Variants in NINL observed in about 807,000 individuals in gnomAD.
NINL encodes ninein-like protein.
Under a neutral mutation model 160.3 loss-of-function variants are expected in NINL, and 153 were observed. The observed-to-expected ratio is 0.95, with a 90% CI of 0.84 to 1.09. NINL has a LOEUF of 1.09. NINL is among the 50% of genes least tolerant of loss of function. NINL has a pLI of 0.00. For synonymous variants in NINL, 800 were observed against 734.8 expected (o/e 1.09, Z -1.43); for missense variants, 1,829 against 1,764.0 (o/e 1.04, Z -0.66).
intron 1 of NINL, among the ~76,000 whole-genome samples, chr20:25,548,242 C>G (rs2064759411): frequency 6.6e-6 from 1 of 152,188 alleles, no homozygotes; most frequent in South Asian, 2.1e-4. Flanking sequence ...TGGGCCTGAG[C>G]TGAGCTATCA....
chr20:25,518,626 A>G (rs67359112), intron 2 of NINL, among the ~76,000 whole-genome samples: 15,195 of 152,184 alleles, frequency 0.1, 1,290 homozygotes, highest in African/African-American at 0.23. Flanking sequence ...CAATCTGACA[A>G]ACTTTATCCT....
intron 19 of NINL, among the ~76,000 whole-genome samples, chr20:25,465,448 C>A (rs946720437): frequency 6.6e-6 from 1 of 152,142 alleles, no homozygotes; most frequent in South Asian, 2.1e-4. Flanking sequence ...GTGTGACTTC[C>A]GAGGAGGGCT....
chr20:25,500,940 A>G lies in NINL; in HGVS notation c.932T>C (p.Leu311Pro), dbSNP rs540026486. ...SLVSLCSSLR[L>P]FSSIDDGSGF... is the part of the protein sequence containing the mutation. ...AGAACCATCGTCAATGCTGGAGAAG[A>G]GGCGCAGGCTGGAGCACAGGGACAC... Residue 311 changes from leucine to proline, a missense_variant, in exon 8 of 24, where the codon CTC becomes CCC. Physicochemically the swap from Leu to Pro is moderately conservative, Grantham distance 98 (BLOSUM62 -3). Coordinates refer to ENST00000278886, the MANE Select transcript of NINL (RefSeq NM_025176.6). 6.2e-7 allele frequency: 1 copy of G among 1,614,208 alleles called. No homozygotes were observed. The highest frequency in any genetic ancestry group is 2.2e-5 in the East Asian group (1 of 44,878).
chr20:25,502,347 T>C (rs892850742), intron 7 of NINL, among the ~76,000 whole-genome samples: 24 of 152,184 alleles, frequency 1.6e-4, no homozygotes, highest in Non-Finnish European at 7.3e-5. Flanking sequence ...AGAACAGCAC[T>C]ACTGGTCCTA....
At chr20:25,490,735 G>A (rs2063613121) in intron 11 of NINL, among the ~76,000 whole-genome samples, 1 of 152,026 alleles carries the variant, frequency 6.6e-6, no homozygotes, top group African/African-American at 2.4e-5. Flanking sequence ...GTGGGGGACT[G>A]CAGTGAGAAG....
At position 25,557,854 on chromosome 20, in the gene NINL, C is replaced by A. The variant is rs189527129; in HGVS notation, c.-12+27601G>T. 3.4e-4 allele frequency among the ~76,000 whole-genome samples: 52 copies of A among 151,808 alleles called. 1 individual carries two copies. In the East Asian group the frequency reaches 9.9e-3, roughly 29 times the overall value. Reference sequence around the variant, plus strand: ...TCAAAGATAAATATACTGGGCTGGGCGCAGTGGCTCACGCTTGTAATCCCA... The same window carrying A: ...TCAAAGATAAATATACTGGGCTGGGAGCAGTGGCTCACGCTTGTAATCCCA... On this transcript the variant is annotated intron_variant, in intron 1 of 23. Coordinates refer to ENST00000278886, the MANE Select transcript of NINL (RefSeq NM_025176.6).
chr20:25,556,888 AACT>A (rs1486549505), intron 1 of NINL, among the ~76,000 whole-genome samples: 3 of 152,136 alleles, frequency 2.0e-5, no homozygotes, highest in Non-Finnish European at 4.4e-5. Context: ...TACAGAACAC[AACT>A]ACTAAGGGCA....
chr20:25,502,068 G>T (rs2063879531), intron 7 of NINL, among the ~76,000 whole-genome samples: 1 of 152,122 alleles, frequency 6.6e-6, no homozygotes, highest in Non-Finnish European at 1.5e-5. Context: ...TGAAACTTCT[G>T]CCTCCTAGGT....
chr20:25,503,815 T>G, intron 7 of NINL, 137 bp downstream of exon 7: 2 of 1,022,126 alleles, frequency 2.0e-6, no homozygotes, highest in Non-Finnish European at 3.0e-6. Flanking sequence ...CCCATATACA[T>G]GCGTGTGTGC....
At chr20:25,463,812 T>TA (rs1242820840) in intron 19 of NINL, among the ~76,000 whole-genome samples, 1 of 152,190 alleles carries the variant, frequency 6.6e-6, no homozygotes, top group Non-Finnish European at 1.5e-5. Flanking sequence ...TACTCAAGAT[T>TA]AGGGAGTCCA....
intron 2 of NINL, 23 bp from the exon 3 acceptor site, chr20:25,517,872 AG>A (rs2064189065): frequency 6.7e-7 from 1 of 1,496,446 alleles, no homozygotes; most frequent in Admixed American, 2.0e-5. Flanking sequence ...AAGGTGAGAG[AG>A]GACAATGTCA....
At chr20:25,525,853 T>C (rs1054763034) in intron 2 of NINL, among the ~76,000 whole-genome samples, 1 of 152,174 alleles carries the variant, frequency 6.6e-6, no homozygotes, top group Non-Finnish European at 1.5e-5. Context: ...TTCTAGATGA[T>C]CTTGACCTTC....
chr20:25,490,029 G>A (rs752431434), intron 11 of NINL, 44 bp from the exon 12 acceptor site: 5 of 1,528,934 alleles, frequency 3.3e-6, no homozygotes, highest in Non-Finnish European at 4.5e-6. Context: ...CTGCAGGACG[G>A]AGGGGATGTG....
chr20:25,557,692 T>C (rs181523262), intron 1 of NINL, among the ~76,000 whole-genome samples: 3 of 152,028 alleles, frequency 2.0e-5, no homozygotes, highest in African/African-American at 4.8e-5. Flanking sequence ...AAGAGAGAAA[T>C]GGACAATTCC....
At chr20:25,559,264 T>TG (rs1216667382) in intron 1 of NINL, among the ~76,000 whole-genome samples, 1 of 152,150 alleles carries the variant, frequency 6.6e-6, no homozygotes, top group Non-Finnish European at 1.5e-5. Flanking sequence ...TTCTTTGAGA[T>TG]GGAGTCTCAC....
intron 1 of NINL, among the ~76,000 whole-genome samples, chr20:25,528,187 G>C (rs559718030): frequency 2.6e-5 from 4 of 152,154 alleles, no homozygotes; most frequent in African/African-American, 4.8e-5. Flanking sequence ...ATACCACCGT[G>C]CCCAGCTAAT....
chr20:25,462,509 G>C lies in NINL; in HGVS notation c.3456C>G (p.Leu1152=). 1 of 1,614,126 alleles carries C rather than the reference G, an allele frequency of 6.2e-7. No homozygotes were observed. The highest frequency in any genetic ancestry group is 8.5e-7 in the Non-Finnish European group (1 of 1,180,008). ...NQNYKDQLSQ[L]NVRVLQLGQE... ...GTCCCAGTTGAAGAACCCTGACATT[G>C]AGCTGGGATAATTGATCCTTGTAGT... The change falls in exon 20 of 24, where the codon CTC becomes CTG. Residue 1152 remains leucine, a synonymous_variant. Transcript: ENST00000278886.
intron 14 of NINL, 28 bp from the exon 15 acceptor site, chr20:25,480,295 T>A: frequency 1.3e-6 from 2 of 1,594,406 alleles, no homozygotes; most frequent in Non-Finnish European, 1.7e-6. Flanking sequence ...CTTCCGTTTG[T>A]CACACTGAGG....
At chr20:25,559,063 G>C (rs981902463) in intron 1 of NINL, among the ~76,000 whole-genome samples, 3 of 152,210 alleles carry the variant, frequency 2.0e-5, no homozygotes, top group Admixed American at 2.0e-4. Context: ...TCAGTCTCAA[G>C]AGACTTGCAC....
Sources: allele counts gnomAD v4.1 joint callset (sites outside exome capture counted in the v4.1 genomes callset), GRCh38; gene constraint gnomAD v4.1.1; transcripts MANE v1.5; gene names NCBI Gene and HGNC (gene_info 2026-07-23, HGNC 2026-07-21).